CPEB4: variants seen among roughly 807,000 people sequenced by gnomAD.
CPEB4 encodes cytoplasmic polyadenylation element-binding protein 4.
In CPEB4, 12 loss-of-function variants were observed where a neutral mutation model predicts 72.5. That is an observed-to-expected ratio of 0.17 (90% CI 0.11 to 0.27). The LOEUF (loss-of-function observed/expected upper bound fraction) is 0.27. Ranked by LOEUF, CPEB4 falls within the 10% of genes least tolerant of loss-of-function variation. The probability of loss-of-function intolerance (pLI) is 1.00; values close to 1 mark genes in which losing one functional copy is unlikely to be tolerated. For missense variants in CPEB4, 614 were observed against 908.5 expected (o/e 0.68, Z 4.17); for synonymous variants, 302 against 326.3 (o/e 0.93, Z 0.80).
chr5:173,922,199 G>A (rs1310133239), intron 2 of CPEB4, among the ~76,000 whole-genome samples: 1 of 152,082 alleles, frequency 6.6e-6, no homozygotes, highest in Non-Finnish European at 1.5e-5. Flanking sequence ...CTTTGACAGA[G>A]GGTAGGCATT....
intron 5 of CPEB4, among the ~76,000 whole-genome samples, chr5:173,945,474 A>G (rs1757986967): frequency 7.1e-6 from 1 of 141,762 alleles, no homozygotes; most frequent in Non-Finnish European, 1.6e-5. Flanking sequence ...TCATTGATGT[A>G]TTTTCCTTTT....
At chr5:173,897,284 T>C (rs1260675674) in intron 1 of CPEB4, among the ~76,000 whole-genome samples, 1 of 152,232 alleles carries the variant, frequency 6.6e-6, no homozygotes, top group Non-Finnish European at 1.5e-5. Flanking sequence ...TTAAGAACTT[T>C]AGAACATGTG....
At chr5:173,927,922 A>G (rs1018748605) in intron 2 of CPEB4, among the ~76,000 whole-genome samples, 3 of 152,244 alleles carry the variant, frequency 2.0e-5, no homozygotes, top group Non-Finnish European at 4.4e-5. Context: ...GTGAATATAG[A>G]TTAGTAAACT....
rs991605946 is a variant in CPEB4 at position 173,955,447 on chromosome 5, G to C, written c.1963-463G>C. ...TTTTTACGACAGCTCAGAATCTTGT[G>C]ACGCAGTAGTCAGGCATCTTCACAC... On this transcript the variant is annotated intron_variant, in intron 9 of 9. Transcript: ENST00000265085. This position sits in a 1 kb window ranked among gnomAD's most constrained non-coding sequence, Gnocchi z 4.7. Among the ~76,000 whole-genome samples the C allele has an allele frequency of 1.3e-5, 2 of 151,994 alleles. No individual in the cohort carries two copies. The highest frequency in any genetic ancestry group is 2.9e-5 in the Non-Finnish European group (2 of 68,024).
In CPEB4 at chr5:173,900,418, A is replaced by G. The variant is rs1414948507; in HGVS notation, c.1125+9560A>G. 1.3e-5 allele frequency among the ~76,000 whole-genome samples: 2 copies of G among 151,830 alleles called. No individual in the cohort carries two copies. Among genetic ancestry groups the G allele is most frequent in the Non-Finnish European group, 2.9e-5 (2 of 67,898 alleles). ...GGAACTCTGTCTCAAAAAAAAAAAA[A>G]GTTGTACATTAGGGTGGACCCCTCT... On this transcript the variant is annotated intron_variant, in intron 1 of 9. Coordinates refer to ENST00000265085, the MANE Select transcript of CPEB4 (RefSeq NM_030627.4). This position sits in a 1 kb window ranked among gnomAD's most constrained non-coding sequence, Gnocchi z 4.4.
intron 1 of CPEB4, among the ~76,000 whole-genome samples, chr5:173,893,475 A>T (rs1223895597): frequency 1.3e-5 from 2 of 152,168 alleles, no homozygotes; most frequent in Non-Finnish European, 2.9e-5. Flanking sequence ...TTATAACTTA[A>T]ACACTATTAA....
In CPEB4 at chr5:173,951,768, T is replaced by C. The variant is rs117491305; in HGVS notation, c.1666-56T>C. ...TACTTTGTAATAATTGTTAACTTTT[T>C]TGCCCATGAATTGTCTGTATTGAGA... On this transcript the variant is annotated intron_variant, in intron 7 of 9. Transcript: ENST00000265085. 397 of 949,084 alleles carry C rather than the reference T, an allele frequency of 4.2e-4. 6 individuals carry two copies. The East Asian group carries it at 8.2e-3, about 20-fold the overall frequency. 58.8% of individuals were successfully genotyped at this position (949,084 alleles called of 1,614,324 possible).
chr5:173,921,599 G>A (rs546153949), intron 2 of CPEB4, among the ~76,000 whole-genome samples: 3 of 152,126 alleles, frequency 2.0e-5, no homozygotes, highest in Non-Finnish European at 4.4e-5. Flanking sequence ...ATGATGCCAG[G>A]GGGTAGAGGG....
intron 3 of CPEB4, 46 bp downstream of exon 3, chr5:173,932,546 C>A (rs1234240178): frequency 1.4e-6 from 2 of 1,416,580 alleles, no homozygotes; most frequent in Non-Finnish European, 2.0e-6. Flanking sequence ...AAAACTGATA[C>A]AGTAGTTGTG....
rs1211543626 is a variant in CPEB4 at position 173,889,778 on chromosome 5, G to A, written c.45G>A (p.Gly15=). The A allele has an allele frequency of 3.1e-6, 5 of 1,613,548 alleles. No individual in the cohort carries two copies. In the Admixed American group the frequency reaches 8.3e-5, roughly 27 times the overall value. The part of the protein sequence containing the change: ...GFGVLVQSNT[G]NKSAFPVRFH... ...GAGTGCTAGTGCAAAGCAATACTGG[G>A]AATAAATCTGCTTTTCCAGTCAGAT... The change falls in exon 1 of 10, where the codon GGG becomes GGA. Residue 15 remains glycine (G), a synonymous_variant. Transcript: ENST00000265085.
At chr5:173,916,618 G>T (rs973559135) in intron 2 of CPEB4, among the ~76,000 whole-genome samples, 2 of 152,036 alleles carry the variant, frequency 1.3e-5, no homozygotes, top group African/African-American at 4.8e-5. Context: ...CTTTATCTAC[G>T]TGTTAAATTT....
intron 5 of CPEB4, among the ~76,000 whole-genome samples, chr5:173,946,681 A>G (rs920403888): frequency 6.6e-6 from 1 of 152,244 alleles, no homozygotes; most frequent in East Asian, 1.9e-4. Context: ...ATTTTCTTAC[A>G]ATAGAGCTGG....
intron 1 of CPEB4, among the ~76,000 whole-genome samples, chr5:173,902,053 G>T (rs972743419): frequency 2.0e-5 from 3 of 152,190 alleles, no homozygotes; most frequent in Non-Finnish European, 4.4e-5. Context: ...CACTCTTGAT[G>T]ATCTGTGAAT....
intron 3 of CPEB4, among the ~76,000 whole-genome samples, chr5:173,941,196 C>A (rs1394035680): frequency 1.3e-5 from 2 of 152,188 alleles, no homozygotes; most frequent in African/African-American, 2.4e-5. Context: ...TTTCCCCAGA[C>A]TCCCTAATCT....
At chr5:173,935,270 TTGTC>T (rs1218342210) in intron 3 of CPEB4, among the ~76,000 whole-genome samples, 2 of 152,202 alleles carry the variant, frequency 1.3e-5, no homozygotes, top group African/African-American at 4.8e-5. Flanking sequence ...CATGCTTTCA[TTGTC>T]TGTCATTAAG....
intron 2 of CPEB4, among the ~76,000 whole-genome samples, chr5:173,915,222 A>G (rs1354753378): frequency 6.6e-6 from 1 of 152,170 alleles, no homozygotes; most frequent in African/African-American, 2.4e-5. Flanking sequence ...ATTGATTCCA[A>G]CTGGTTTGTT....
chr5:173,949,439 A>C, intron 5 of CPEB4, 69 bp from the exon 6 acceptor site: 1 of 1,176,150 alleles, frequency 8.5e-7, no homozygotes, highest in East Asian at 2.5e-5. Context: ...TTTGAAACTT[A>C]AAAGAAAAAC....
intron 1 of CPEB4, among the ~76,000 whole-genome samples, chr5:173,894,766 A>G (rs1276180710): frequency 6.6e-6 from 1 of 152,150 alleles, no homozygotes; most frequent in African/African-American, 2.4e-5. Flanking sequence ...TAATCATTAT[A>G]CTACAGTGCC....
In CPEB4 at chr5:173,961,666, A is replaced by G. The variant is rs1486921046; in HGVS notation, c.*5529A>G. On this transcript the variant is annotated 3_prime_UTR_variant, in exon 10 of 10. Coordinates refer to ENST00000265085, the MANE Select transcript of CPEB4 (RefSeq NM_030627.4). Reference sequence around the variant, plus strand: ...AGTCATTTCATAACCCCTTTTGGTAATGGGTGTTTGTGTCCACAGCTAGAT... The same window carrying G: ...AGTCATTTCATAACCCCTTTTGGTAGTGGGTGTTTGTGTCCACAGCTAGAT... The G allele has an allele frequency of 1.3e-5, 2 of 151,654 alleles. No homozygotes were observed. The highest frequency in any genetic ancestry group is 3.9e-4 in the East Asian group (2 of 5,190). 9.4% of individuals were successfully genotyped at this position (151,654 alleles called of 1,614,324 possible).
Sources: allele counts gnomAD v4.1 joint callset (sites outside exome capture counted in the v4.1 genomes callset), GRCh38; gene constraint gnomAD v4.1.1; non-coding constraint Gnocchi (gnomAD v3.1); transcripts MANE v1.5; gene names NCBI Gene and HGNC (gene_info 2026-07-23, HGNC 2026-07-21).